The following SEC31A variants were observed in gnomAD, a reference collection of about 807,000 sequenced individuals.
SEC31A encodes the protein SEC31 homolog A, COPII component.
In SEC31A, 70 loss-of-function variants were observed where a neutral mutation model predicts 151.0. The ratio of observed to expected loss-of-function variants is 0.46; its 90% CI spans 0.38 to 0.57. The LOEUF is 0.57. Among genes scored for constraint, SEC31A ranks in the 20% least tolerant of loss-of-function variants. The pLI, the probability that SEC31A is intolerant of heterozygous loss-of-function variation, is 0.00. For missense variants in SEC31A, 1,330 were observed against 1,471.2 expected (o/e 0.90, Z 1.57); for synonymous variants, 475 against 505.9 (o/e 0.94, Z 0.82).
intron 21 of SEC31A, chr4:82,842,843 A>C: frequency 5.5e-6 from 1 of 182,090 alleles, no homozygotes; most frequent in South Asian, 1.3e-4. Context: ...AAAGCACCCC[A>C]CTTCACAGAA....
chr4:82,890,562 T>C (rs1327588183), intron 1 of SEC31A: 1 of 187,820 alleles, frequency 5.3e-6, no homozygotes, highest in East Asian at 1.9e-4. Flanking sequence ...TTAATGAGAC[T>C]GCCCTCAAAG....
rs372190327 is a variant in SEC31A at position 82,870,411 on chromosome 4, T to C, written c.796A>G (p.Ile266Val). The change falls in exon 8 of 27, where the codon ATT becomes GTT. Residue 266 changes from isoleucine (I) to valine (V), a missense_variant. Transcript: ENST00000395310. ...TCAGGATCTGCCATGCTCCAAGCAA[T>C]TGCCAAAATCCCCCTATAAAAAACA... Reference protein sequence around the residue: ...LENHARGILAIAWSMADPELL... With the variant: ...LENHARGILAVAWSMADPELL... 18 of 1,612,626 alleles carry C rather than the reference T, an allele frequency of 1.1e-5. No individual in the cohort carries two copies. The highest frequency in any genetic ancestry group is 2.7e-5 in the African/African-American group (2 of 74,920).
chr4:82,872,319 A>T (rs1183660750), intron 6 of SEC31A, among the ~76,000 whole-genome samples: 1 of 152,008 alleles, frequency 6.6e-6, no homozygotes, highest in Non-Finnish European at 1.5e-5. Context: ...CCTCCTGAGT[A>T]GCTGGGATTA....
At chr4:82,867,951 C>T (rs2149562721) in intron 8 of SEC31A, among the ~76,000 whole-genome samples, 1 of 152,270 alleles carries the variant, frequency 6.6e-6, no homozygotes, top group Non-Finnish European at 1.5e-5. Flanking sequence ...ACTTTTTAAA[C>T]TCTAAAAGAT....
chr4:82,852,694 T>A (rs1372931654), intron 18 of SEC31A, among the ~76,000 whole-genome samples: 2 of 152,190 alleles, frequency 1.3e-5, no homozygotes, highest in East Asian at 3.8e-4. Flanking sequence ...CCTCTTTGAT[T>A]TAAATGCTTA....
chr4:82,859,798 T>A (rs749094448), intron 14 of SEC31A, among the ~76,000 whole-genome samples: 2,302 of 151,726 alleles, frequency 0.015, 15 homozygotes, highest in Non-Finnish European at 0.018. Flanking sequence ...AATATTTTTT[T>A]TTTTTTTTTT....
At chr4:82,859,504 T>C (rs1374454853) in intron 14 of SEC31A, among the ~76,000 whole-genome samples, 1 of 152,184 alleles carries the variant, frequency 6.6e-6, no homozygotes, top group Non-Finnish European at 1.5e-5. Flanking sequence ...TTCTGTGCTA[T>C]GTTATCTACA....
At chr4:82,870,827 G>A (rs1238555409) in intron 7 of SEC31A, among the ~76,000 whole-genome samples, 1 of 152,228 alleles carries the variant, frequency 6.6e-6, no homozygotes, top group South Asian at 2.1e-4. Context: ...TCAATGTAGT[G>A]CAGTGTATGA....
chr4:82,820,117 G>A (rs1722994718), intron 26 of SEC31A, among the ~76,000 whole-genome samples: 2 of 144,138 alleles, frequency 1.4e-5, no homozygotes, highest in Non-Finnish European at 3.0e-5. Flanking sequence ...AGATGTATAC[G>A]CTAATTGTAT....
chr4:82,841,869 G>C (rs1378982089), intron 22 of SEC31A, among the ~76,000 whole-genome samples: 1 of 151,898 alleles, frequency 6.6e-6, no homozygotes, highest in East Asian at 1.9e-4. Flanking sequence ...CTACTCGGGA[G>C]GCTGAGGCAG....
chr4:82,890,057 G>A (rs1741948060), intron 1 of SEC31A, among the ~76,000 whole-genome samples: 1 of 151,890 alleles, frequency 6.6e-6, no homozygotes, highest in African/African-American at 2.4e-5. Flanking sequence ...GTGAAACCCC[G>A]TCTCTACTAA....
At chr4:82,841,468 ACACACACAC>A (rs1224026570) in intron 22 of SEC31A, among the ~76,000 whole-genome samples, 2 of 122,490 alleles carry the variant, frequency 1.6e-5, no homozygotes, top group African/African-American at 2.8e-5. Flanking sequence ...ATATATATAT[ACACACACAC>A]TAAAAATACA....
chr4:82,869,473 T>C (rs1736175029), intron 8 of SEC31A, among the ~76,000 whole-genome samples: 1 of 152,078 alleles, frequency 6.6e-6, no homozygotes, highest in African/African-American at 2.4e-5. Flanking sequence ...TAAAAGTCTC[T>C]TCCTTCAAAG....
intron 3 of SEC31A, among the ~76,000 whole-genome samples, chr4:82,897,033 C>T (rs1157311428): frequency 1.3e-5 from 2 of 152,302 alleles, no homozygotes; most frequent in East Asian, 3.9e-4. Context: ...AACACTAATT[C>T]GTGCCTGAGA....
chr4:82,897,100 AG>A (rs1405614516), intron 3 of SEC31A, among the ~76,000 whole-genome samples: 1 of 152,174 alleles, frequency 6.6e-6, no homozygotes, highest in Non-Finnish European at 1.5e-5. Context: ...AAGTTCTATT[AG>A]AAGAAAAAAC....
Position 82,827,414 on chromosome 4 carries a change from G to A in SEC31A, c.3246C>T (p.Pro1082=), listed in dbSNP as rs373778408. ...QTGMPPSFSK[P]NIEGAPGAPI... Reference sequence around the variant, plus strand: ...GAGCCCCTGGGGCACCTTCAATATTGGGCTTTGAAAAAGATGGTGGCATGC... The same window carrying A: ...GAGCCCCTGGGGCACCTTCAATATTAGGCTTTGAAAAAGATGGTGGCATGC... Residue 1082 remains proline, a synonymous_variant, in exon 24 of 27, where the codon CCC becomes CCT. Transcript: ENST00000395310. 81 of 1,614,082 alleles carry A rather than the reference G, an allele frequency of 5.0e-5. No homozygotes were observed. The highest frequency in any genetic ancestry group is 5.9e-5 in the Non-Finnish European group (70 of 1,180,030).
In SEC31A at chr4:82,818,882, G is replaced by T; in HGVS notation, c.*192C>A. 1 of 401,352 alleles carries T rather than the reference G, an allele frequency of 2.5e-6. No homozygotes were observed. The highest frequency in any genetic ancestry group is 2.0e-5 in the African/African-American group (1 of 48,814). 24.9% of individuals were successfully genotyped at this position (401,352 alleles called of 1,614,324 possible). A position where few individuals can be genotyped will look rare whatever the true frequency, so the allele number is the denominator to read the frequency against. ...AGGAAAATCATCACTGGCAACAAAA[G>T]ATTAAAACAAAAATAAAGCACCAGG... On this transcript the variant is annotated 3_prime_UTR_variant, in exon 27 of 27. Coordinates refer to ENST00000395310, the MANE Select transcript of SEC31A (RefSeq NM_001077207.4).
chr4:82,894,341 A>G (rs913967356), upstream of SEC31A: 5 of 152,218 alleles, frequency 3.3e-5, no homozygotes, highest in Admixed American at 6.5e-5. Context: ...TTTTTCAATG[A>G]AAGGCTTCAA....
At chr4:82,857,552 T>C in intron 15 of SEC31A, 137 bp downstream of exon 15, 1 of 641,352 alleles carries the variant, frequency 1.6e-6, no homozygotes, top group East Asian at 2.7e-5. Context: ...GTGATCCTCC[T>C]GCCTCAACTT....
Sources: allele counts gnomAD v4.1 joint callset (sites outside exome capture counted in the v4.1 genomes callset), GRCh38; gene constraint gnomAD v4.1.1; transcripts MANE v1.5; gene names NCBI Gene and HGNC (gene_info 2026-07-23, HGNC 2026-07-21).